CADM2: variants seen among roughly 807,000 people sequenced by gnomAD.
CADM2 encodes the protein cell adhesion molecule 2.
A neutral mutation model predicts 49.8 loss-of-function variants in CADM2; 12 were observed. That is an observed-to-expected ratio of 0.24 (90% CI 0.15 to 0.39). The LOEUF (loss-of-function observed/expected upper bound fraction) is 0.39. CADM2 is among the 10% of genes least tolerant of loss of function. The pLI, the probability that CADM2 is intolerant of heterozygous loss-of-function variation, is 1.00. For missense variants in CADM2, 378 were observed against 492.3 expected (o/e 0.77, Z 2.20); for synonymous variants, 214 against 175.4 (o/e 1.22, Z -1.74).
intron 1 of CADM2, among the ~76,000 whole-genome samples, chr3:85,188,748 C>G (rs1225657793): frequency 6.6e-6 from 1 of 151,788 alleles, no homozygotes; most frequent in East Asian, 1.9e-4. Flanking sequence ...AAATGAAGAG[C>G]AGGCCAGGCG....
intron 1 of CADM2, among the ~76,000 whole-genome samples, chr3:84,969,150 T>A (rs1383564354): frequency 6.6e-6 from 1 of 152,014 alleles, no homozygotes; most frequent in African/African-American, 2.4e-5. Context: ...TTGACTTACA[T>A]GTCTTCCTCT....
At chr3:86,012,594 C>T (rs1731672836) in intron 8 of CADM2, 2 of 1,572,898 alleles carry the variant, frequency 1.3e-6, no homozygotes, top group African/African-American at 1.4e-5. Context: ...CAACTGCACG[C>T]GAAGCGCACG....
intron 8 of CADM2, among the ~76,000 whole-genome samples, chr3:85,996,101 T>TA (rs1448096216): frequency 1.0e-4 from 15 of 148,172 alleles, no homozygotes; most frequent in Admixed American, 2.7e-4. Context: ...AAAAAAAAAA[T>TA]AAAAAATAAA....
At chr3:85,504,726 G>A (rs2040252650) in intron 1 of CADM2, among the ~76,000 whole-genome samples, 1 of 152,212 alleles carries the variant, frequency 6.6e-6, no homozygotes, top group African/African-American at 2.4e-5. Context: ...TGGAGCAGGG[G>A]GCGGCGCTCA....
chr3:85,194,597 G>T (rs2041292935), intron 1 of CADM2, among the ~76,000 whole-genome samples: 1 of 151,950 alleles, frequency 6.6e-6, no homozygotes, highest in Non-Finnish European at 1.5e-5. Flanking sequence ...ATAAAGAATA[G>T]AAATAAGGCT....
intron 1 of CADM2, among the ~76,000 whole-genome samples, chr3:85,516,381 C>G (rs955044639): frequency 6.6e-6 from 1 of 152,088 alleles, no homozygotes; most frequent in Non-Finnish European, 1.5e-5. Context: ...TTGACTTTCA[C>G]AAATTATTTA....
intron 1 of CADM2, among the ~76,000 whole-genome samples, chr3:85,609,646 A>G (rs1175386239): frequency 6.6e-6 from 1 of 152,086 alleles, no homozygotes; most frequent in African/African-American, 2.4e-5. Context: ...TTTTAAGGCT[A>G]AAATAACTTA....
intron 3 of CADM2, among the ~76,000 whole-genome samples, chr3:85,827,754 C>T (rs752637637): frequency 1.8e-4 from 27 of 151,820 alleles, no homozygotes; most frequent in Non-Finnish European, 5.9e-5. Flanking sequence ...TGTATTTTTC[C>T]CAAATGTATT....
intron 1 of CADM2, among the ~76,000 whole-genome samples, chr3:85,406,771 T>G (rs1010433052): frequency 6.6e-6 from 1 of 152,158 alleles, no homozygotes; most frequent in African/African-American, 2.4e-5. Context: ...GTTCGCTTGT[T>G]TTCACTTTTT....
chr3:85,107,005 G>C (rs1278319244), intron 1 of CADM2, among the ~76,000 whole-genome samples: 5 of 152,164 alleles, frequency 3.3e-5, no homozygotes, highest in Admixed American at 1.3e-4. Context: ...GGGACGAAAA[G>C]AAAAAGTGGG....
At position 85,578,787 on chromosome 3, in the gene CADM2, G is replaced by A. The variant is rs1052748124; in HGVS notation, c.62-147735G>A. Among the ~76,000 whole-genome samples, 6 of 152,226 alleles carry A rather than the reference G, an allele frequency of 3.9e-5. No homozygotes were observed. The East Asian group carries it at 1.2e-3, about 29-fold the overall frequency. On this transcript the variant is annotated intron_variant, in intron 1 of 9. Coordinates refer to ENST00000383699, the MANE Select transcript of CADM2 (RefSeq NM_001167675.2). ...TATGTCATCTTTATTTAACATTAGT[G>A]GTGATTAGTTTCTAATTTCTGTTGC... is the stretch of plus-strand genomic sequence containing the variant.
intron 1 of CADM2, among the ~76,000 whole-genome samples, chr3:85,428,817 T>C (rs938108218): frequency 6.6e-6 from 1 of 151,256 alleles, no homozygotes; most frequent in East Asian, 1.9e-4. Flanking sequence ...CACCATGCAG[T>C]TTTTCTTTTA....
intron 1 of CADM2, among the ~76,000 whole-genome samples, chr3:85,203,721 G>A (rs1392043401): frequency 1.3e-5 from 2 of 152,154 alleles, no homozygotes; most frequent in Admixed American, 6.6e-5. Flanking sequence ...AAAGCAAAGT[G>A]CAGTAAACAT....
chr3:85,819,998 A>T (rs1013144160), intron 3 of CADM2, among the ~76,000 whole-genome samples: 9 of 152,130 alleles, frequency 5.9e-5, no homozygotes, highest in African/African-American at 2.2e-4. Flanking sequence ...CATGAAGGTG[A>T]CATTGCAGCA....
chr3:85,940,185 A>T (rs1397207680), intron 7 of CADM2, among the ~76,000 whole-genome samples: 1 of 146,242 alleles, frequency 6.8e-6, no homozygotes. Flanking sequence ...AAAAAAAAAA[A>T]AAAAATAGCC....
At chr3:85,643,249 T>A (rs1470198748) in intron 1 of CADM2, among the ~76,000 whole-genome samples, 2 of 152,180 alleles carry the variant, frequency 1.3e-5, no homozygotes, top group Non-Finnish European at 2.9e-5. Context: ...TAAAACTGGC[T>A]TGCTTTATTT....
rs529855160 is a variant in CADM2, at chr3:85,927,903, G to A, written c.701-7864G>A. 2.6e-5 allele frequency among the ~76,000 whole-genome samples: 4 copies of A among 152,168 alleles called. No homozygotes were observed. The South Asian group carries it at 8.3e-4, about 32-fold the overall frequency. On this transcript the variant is annotated intron_variant, in intron 6 of 9. Coordinates refer to ENST00000383699, the MANE Select transcript of CADM2 (RefSeq NM_001167675.2). ...TTTTTATTTATCTACAAAATCTGGT[G>A]ATGGATAAATTTTGTTAAGCCAATG... is the stretch of plus-strand genomic sequence containing the variant.
chr3:86,025,724 A>T (rs1031106590), intron 8 of CADM2, among the ~76,000 whole-genome samples: 8 of 152,200 alleles, frequency 5.3e-5, no homozygotes, highest in African/African-American at 1.9e-4. Context: ...AATGTAACAA[A>T]TATGACTTTT....
chr3:85,620,801 C>G (rs1263628785), intron 1 of CADM2, among the ~76,000 whole-genome samples: 1 of 152,060 alleles, frequency 6.6e-6, no homozygotes, highest in Non-Finnish European at 1.5e-5. Flanking sequence ...CTAGTCCTAC[C>G]TCTTCCCAAT....
Sources: gnomAD v4.1 joint callset for allele counts (sites outside exome capture counted in the v4.1 genomes callset) on GRCh38, gnomAD v4.1.1 for gene constraint, MANE v1.5 for transcripts, NCBI Gene and HGNC (gene_info 2026-07-23, HGNC 2026-07-21) for gene names.